Variants in TMPRSS13 observed in about 807,000 individuals in gnomAD.
TMPRSS13 encodes the protein transmembrane serine protease 13.
Under a neutral mutation model 68.4 loss-of-function variants are expected in TMPRSS13, and 50 were observed. That is an observed-to-expected ratio of 0.73 (90% CI 0.58 to 0.93). TMPRSS13 has a LOEUF of 0.93. Among genes scored for constraint, TMPRSS13 ranks in the 40% least tolerant of loss-of-function variants. The pLI is 0.00. For missense variants in TMPRSS13, 615 were observed against 729.2 expected, an observed-to-expected ratio of 0.84 and a Z score of 1.80; for synonymous variants, 267 against 285.8, an observed-to-expected ratio of 0.93 and a Z score of 0.66.
chr11:117,927,013 C>T (rs1051178621), intron 1 of TMPRSS13, among the ~76,000 whole-genome samples: 2 of 152,158 alleles, frequency 1.3e-5, no homozygotes, highest in Non-Finnish European at 2.9e-5. Flanking sequence ...ATTTTAAGTT[C>T]GGATCAAAAG....
chr11:117,910,420 CT>C (rs2057510250), intron 7 of TMPRSS13: 2 of 451,296 alleles, frequency 4.4e-6, no homozygotes, highest in Non-Finnish European at 8.0e-6. Flanking sequence ...TCTATTGTTT[CT>C]AAACATAGGA....
intron 8 of TMPRSS13, among the ~76,000 whole-genome samples, chr11:117,909,511 T>A (rs868518493): frequency 6.6e-6 from 1 of 152,228 alleles, no homozygotes; most frequent in South Asian, 2.1e-4. Flanking sequence ...CAACGCCTTT[T>A]TCATTTCACC....
At chr11:117,907,559 A>G (rs1204666306) in intron 9 of TMPRSS13, 1 of 152,728 alleles carries the variant, frequency 6.5e-6, no homozygotes, top group East Asian at 1.9e-4. Flanking sequence ...GCTTCCAGAA[A>G]TCCCGGTACT....
At chr11:117,925,579 G>T (rs2057697323) in intron 1 of TMPRSS13, among the ~76,000 whole-genome samples, 1 of 151,922 alleles carries the variant, frequency 6.6e-6, no homozygotes, top group Non-Finnish European at 1.5e-5. Flanking sequence ...TACATAATGG[G>T]GGCCCCTCTA....
At chr11:117,919,019 A>C (rs564427086) in intron 1 of TMPRSS13, among the ~76,000 whole-genome samples, 181 bp from the exon 2 acceptor site, 1 of 152,260 alleles carries the variant, frequency 6.6e-6, no homozygotes, top group Non-Finnish European at 1.5e-5. Context: ...AAGCTCAAAG[A>C]ACCTGCTGTC....
At position 117,914,280 on chromosome 11, in the gene TMPRSS13, T is replaced by G. The variant is rs2057551729; in HGVS notation, c.679+112A>C. On this transcript the variant is annotated intron_variant, in intron 4 of 12. Coordinates refer to ENST00000524993, the MANE Select transcript of TMPRSS13 (RefSeq NM_001077263.3). The surrounding 1 kb of genome is among the most constrained non-coding windows in gnomAD (Gnocchi z 4.2). ...ACACAAACATGCACATACACACACA[T>G]GCACGCACACATATACACACACAGG... 8.5e-6 allele frequency: 12 copies of G among 1,414,246 alleles called. No individual in the cohort carries two copies. In the South Asian group the frequency reaches 1.1e-4, roughly 13 times the overall value. 87.6% of individuals were successfully genotyped at this position (1,414,246 alleles called of 1,614,324 possible). A position where few individuals can be genotyped will look rare whatever the true frequency, so the allele number is the denominator to read the frequency against.
rs2057412857 is a variant in TMPRSS13 at position 117,901,902 on chromosome 11, C to A, written c.*337G>T. ...GTCAGAGAAGCAAGAATTCCCAGCT[C>A]TTCCTTGGGCTCTGGGCTCCACCTC... On this transcript the variant is annotated 3_prime_UTR_variant, in exon 13 of 13. Transcript: ENST00000524993. 11 of 358,244 alleles carry A rather than the reference C, an allele frequency of 3.1e-5. No individual in the cohort carries two copies. In the South Asian group the frequency reaches 4.1e-4, roughly 13 times the overall value. The allele number at this position is 358,244 out of a possible 1,614,324, so 22.2% of individuals were successfully genotyped here.
chr11:117,914,757 G>A lies in TMPRSS13; in HGVS notation c.557-243C>T, dbSNP rs76080529. ...GCAGCCAGCCACCCAGAAAGAGAGA[G>A]AAAGAGAGAGAGAGACAGAGAGTGC... On this transcript the variant is annotated intron_variant, in intron 3 of 12. Transcript: ENST00000524993. This position sits in a 1 kb window ranked among gnomAD's most constrained non-coding sequence, Gnocchi z 4.2. Among the ~76,000 whole-genome samples, 1,895 of 152,214 alleles carry A rather than the reference G, an allele frequency of 0.012. 24 individuals carry two copies. The highest frequency in any genetic ancestry group is 0.02 in the Non-Finnish European group (1,327 of 68,004).
chr11:117,907,593 A>G, intron 9 of TMPRSS13: 1 of 155,710 alleles, frequency 6.4e-6, no homozygotes, highest in Non-Finnish European at 1.4e-5. Flanking sequence ...CCACCTTTAC[A>G]GATGCTTATG....
In TMPRSS13 at chr11:117,904,112, G is replaced by A. The variant is rs1422108926; in HGVS notation, c.1382-11C>T. 4 of 1,613,150 alleles carry A rather than the reference G, an allele frequency of 2.5e-6. No individual in the cohort carries two copies. Among genetic ancestry groups the A allele is most frequent in the African/African-American group, 1.3e-5 (1 of 74,922 alleles). ...AGGGGGATGTCTTGTCTTCAGTGAA[G>A]TGGGGTGGAGGAGACAGAGGATGGG... is the stretch of plus-strand genomic sequence containing the variant. On this transcript the variant is annotated splice_polypyrimidine_tract_variant and intron_variant, in intron 10 of 12. Transcript: ENST00000524993.
chr11:117,920,879 C>T (rs2057638212), intron 1 of TMPRSS13, among the ~76,000 whole-genome samples: 1 of 152,216 alleles, frequency 6.6e-6, no homozygotes, highest in Admixed American at 6.5e-5. Flanking sequence ...TTCCCAACTG[C>T]GTTTCCTGGG....
chr11:117,909,769 TG>T lies in TMPRSS13; in HGVS notation c.1109+36del, dbSNP rs1369477013. On this transcript the variant is annotated intron_variant, in intron 8 of 12. Transcript: ENST00000524993. ...AGCCCTTCCTGGTGGTTCCCGACCC[TG>T]GGCAGTGTCAAATCACCTGCCTCTC... The T allele has an allele frequency of 3.8e-6, 6 of 1,591,208 alleles. No individual in the cohort carries two copies. The East Asian group carries it at 1.4e-4, about 36-fold the overall frequency.
intron 7 of TMPRSS13, among the ~76,000 whole-genome samples, chr11:117,910,179 G>GTGGC (rs1373959065): frequency 1.3e-5 from 2 of 152,180 alleles, no homozygotes; most frequent in African/African-American, 4.8e-5. Context: ...ACATGGTGGG[G>GTGGC]TGGCTTTCTG....
intron 1 of TMPRSS13, among the ~76,000 whole-genome samples, chr11:117,921,830 G>C (rs977939544): frequency 4.6e-5 from 7 of 152,128 alleles, no homozygotes; most frequent in Admixed American, 1.3e-4. Flanking sequence ...ACCTGAAGAA[G>C]AACTGCCCAT....
intron 3 of TMPRSS13, among the ~76,000 whole-genome samples, chr11:117,916,202 C>G (rs2057576841): frequency 6.6e-6 from 1 of 152,224 alleles, no homozygotes; most frequent in South Asian, 2.1e-4. Context: ...CATGGCCCAG[C>G]CTTGCTGAAC....
intron 1 of TMPRSS13, among the ~76,000 whole-genome samples, chr11:117,920,651 G>A (rs527370805): frequency 1.3e-5 from 2 of 152,050 alleles, no homozygotes; most frequent in Admixed American, 1.3e-4. Context: ...ACCACACCCG[G>A]TTAATTTTTG....
At position 117,908,547 on chromosome 11, in the gene TMPRSS13, G is replaced by C. The variant is rs552860182; in HGVS notation, c.1282+65C>G. On this transcript the variant is annotated intron_variant, in intron 9 of 12. Transcript: ENST00000524993. ...GATATGAGTTGACAGATGCTGACAAGTGCGAGGGCTGCAGAGGGTGCTGGG... is the reference window on the plus strand; with the variant it reads ...GATATGAGTTGACAGATGCTGACAACTGCGAGGGCTGCAGAGGGTGCTGGG... 170 of 1,522,084 alleles carry C rather than the reference G, an allele frequency of 1.1e-4. No homozygotes were observed. In the Middle Eastern group the frequency reaches 4.4e-3, roughly 39 times the overall value. The allele number at this position is 1,522,084 out of a possible 1,614,324, so 94.3% of individuals were successfully genotyped here. A position where few individuals can be genotyped will look rare whatever the true frequency, so the allele number is the denominator to read the frequency against.
intron 1 of TMPRSS13, among the ~76,000 whole-genome samples, chr11:117,921,562 G>T (rs1390350911): frequency 6.6e-6 from 1 of 152,228 alleles, no homozygotes; most frequent in African/African-American, 2.4e-5. Flanking sequence ...GGGAGCTGGG[G>T]AAAGCTGTAA....
In TMPRSS13 at chr11:117,901,334, T is replaced by G. The variant is rs1669282020; in HGVS notation, c.*905A>C. Reference sequence around the variant, plus strand: ...TTTGCTTGCCAGCCCAAACAAGGATTTGCTTCCCTGAGTATCTCCTAGGGG... The same window carrying G: ...TTTGCTTGCCAGCCCAAACAAGGATGTGCTTCCCTGAGTATCTCCTAGGGG... On this transcript the variant is annotated 3_prime_UTR_variant, in exon 13 of 13. Transcript: ENST00000524993. 6.6e-6 allele frequency: 1 copy of G among 152,528 alleles called. No homozygotes were observed. The highest frequency in any genetic ancestry group is 2.1e-4 in the South Asian group (1 of 4,828). The allele number at this position is 152,528 out of a possible 1,614,324, so 9.4% of individuals were successfully genotyped here.
Sources: gnomAD v4.1 joint callset for allele counts (sites outside exome capture counted in the v4.1 genomes callset) on GRCh38, gnomAD v4.1.1 for gene constraint, Gnocchi (gnomAD v3.1) non-coding constraint, MANE v1.5 for transcripts, NCBI Gene and HGNC (gene_info 2026-07-23, HGNC 2026-07-21) for gene names.